The following SNAP23 variants were observed in gnomAD, a reference collection of about 807,000 sequenced individuals.
SNAP23 encodes the protein synaptosome associated protein 23.
Under a neutral mutation model 29.0 loss-of-function variants are expected in SNAP23, and 11 were observed. That is an observed-to-expected ratio of 0.38 (90% CI 0.24 to 0.63). The LOEUF is 0.63. Ranked by LOEUF, SNAP23 falls within the 20% of genes least tolerant of loss-of-function variation. The pLI, the probability that SNAP23 is intolerant of heterozygous loss-of-function variation, is 0.58. For missense variants in SNAP23, 220 were observed against 253.9 expected (o/e 0.87, Z 0.91); for synonymous variants, 60 against 82.9 (o/e 0.72, Z 1.50).
chr15:42,514,397 C>A (rs932939193), intron 4 of SNAP23, among the ~76,000 whole-genome samples: 8 of 152,106 alleles, frequency 5.3e-5, no homozygotes, highest in Non-Finnish European at 1.2e-4. Flanking sequence ...GATCCGCCCA[C>A]GTCGGCCTCC....
chr15:42,497,355 C>T (rs2057229529), intron 1 of SNAP23, among the ~76,000 whole-genome samples: 1 of 151,844 alleles, frequency 6.6e-6, no homozygotes. Flanking sequence ...ATTACAGGCA[C>T]CTGCCACCAG....
chr15:42,514,236 G>T (rs182893639), intron 4 of SNAP23, among the ~76,000 whole-genome samples: 1 of 151,442 alleles, frequency 6.6e-6, no homozygotes, highest in African/African-American at 2.4e-5. Context: ...TACCTCCCAC[G>T]TTCAAGTGAT....
intron 5 of SNAP23, 34 bp from the exon 6 acceptor site, chr15:42,528,228 T>C: frequency 6.3e-7 from 1 of 1,591,098 alleles, no homozygotes; most frequent in Non-Finnish European, 8.6e-7. Flanking sequence ...CTTCTTTTTT[T>C]TGGTATCTCC....
At chr15:42,508,484 T>C (rs2057332923) in intron 1 of SNAP23, among the ~76,000 whole-genome samples, 1 of 152,132 alleles carries the variant, frequency 6.6e-6, no homozygotes, top group African/African-American at 2.4e-5. Flanking sequence ...ATCCTGGCGT[T>C]AGCATGCCAA....
intron 7 of SNAP23, among the ~76,000 whole-genome samples, chr15:42,530,463 G>T (rs1367943379): frequency 2.0e-5 from 3 of 152,142 alleles, no homozygotes; most frequent in African/African-American, 7.2e-5. Context: ...TGTGTCACAT[G>T]TAAAGTCATA....
chr15:42,491,545 T>C (rs1181491381), upstream of SNAP23: 1 of 152,268 alleles, frequency 6.6e-6, no homozygotes, highest in Non-Finnish European at 1.5e-5. Context: ...GATCTTGGAC[T>C]AGCTACGAAT....
chr15:42,519,494 C>G (rs1208800529), intron 5 of SNAP23, among the ~76,000 whole-genome samples: 1 of 151,838 alleles, frequency 6.6e-6, no homozygotes, highest in African/African-American at 2.4e-5. Flanking sequence ...GCCTCAACCA[C>G]CCAAGTAGCT....
At chr15:42,509,911 A>G (rs141494925) in intron 1 of SNAP23, among the ~76,000 whole-genome samples, 83 of 152,102 alleles carry the variant, frequency 5.5e-4, no homozygotes, top group South Asian at 5.4e-3. Flanking sequence ...TCTACTAAAA[A>G]TACAGAAATT....
At chr15:42,509,137 CA>C (rs1208008637) in intron 1 of SNAP23, among the ~76,000 whole-genome samples, 5 of 151,714 alleles carry the variant, frequency 3.3e-5, no homozygotes, top group African/African-American at 1.2e-4. Flanking sequence ...TGAGAGGGTA[CA>C]AAAAATAATC....
At chr15:42,515,207 C>A in intron 4 of SNAP23, 30 bp from the exon 5 acceptor site, 1 of 1,408,108 alleles carries the variant, frequency 7.1e-7, no homozygotes, top group South Asian at 1.2e-5. Context: ...GAATGGAACA[C>A]AAAGTGTTAA....
chr15:42,504,166 C>CA lies in SNAP23; in HGVS notation c.-14-7656dup, dbSNP rs898253406. On this transcript the variant is annotated intron_variant, in intron 1 of 7. Coordinates refer to ENST00000249647, the MANE Select transcript of SNAP23 (RefSeq NM_003825.4). ...GCAACATAGTGAGACCCTGCCTCTA[C>CA]AAAAAAAAAAATAATAATATAATAA... Among the ~76,000 whole-genome samples the CA allele has an allele frequency of 8.4e-3, 1,159 of 137,850 alleles. 13 individuals carry two copies. Among genetic ancestry groups the CA allele is most frequent in the African/African-American group, 0.027 (1,009 of 37,670 alleles). The allele number at this position is 137,850 out of a possible 152,430, so 90.4% of individuals were successfully genotyped here.
At chr15:42,497,263 C>G (rs2057228308) in intron 1 of SNAP23, among the ~76,000 whole-genome samples, 1 of 143,104 alleles carries the variant, frequency 7.0e-6, no homozygotes, top group South Asian at 2.2e-4. Context: ...GGCTGGAGTG[C>G]AGTGGCGCGA....
intron 7 of SNAP23, among the ~76,000 whole-genome samples, chr15:42,530,647 G>A (rs568070397): frequency 6.6e-6 from 1 of 152,296 alleles, no homozygotes; most frequent in Non-Finnish European, 1.5e-5. Flanking sequence ...TTACTCGGGA[G>A]GCTGAGGCAG....
chr15:42,507,134 T>C (rs1339759470), intron 1 of SNAP23, among the ~76,000 whole-genome samples: 1 of 152,166 alleles, frequency 6.6e-6, no homozygotes, highest in Non-Finnish European at 1.5e-5. Context: ...AGACTCTTTA[T>C]CAGACCATGA....
intron 5 of SNAP23, among the ~76,000 whole-genome samples, chr15:42,522,676 T>G (rs2141544813): frequency 6.7e-6 from 1 of 149,370 alleles, no homozygotes; most frequent in East Asian, 1.9e-4. Flanking sequence ...ATTTTTGCTA[T>G]TTTTAATTCA....
chr15:42,499,942 G>C (rs904475207), intron 1 of SNAP23, among the ~76,000 whole-genome samples: 1 of 152,034 alleles, frequency 6.6e-6, no homozygotes, highest in Non-Finnish European at 1.5e-5. Flanking sequence ...CCAGGAGTTT[G>C]AGACCAGCCT....
intron 5 of SNAP23, among the ~76,000 whole-genome samples, chr15:42,519,633 G>A (rs191277072): frequency 6.6e-5 from 10 of 152,148 alleles, no homozygotes; most frequent in African/African-American, 1.4e-4. Context: ...GCCTCCCAAC[G>A]TGCTGGGGTT....
intron 1 of SNAP23, among the ~76,000 whole-genome samples, chr15:42,504,332 C>T (rs1595516905): frequency 6.6e-6 from 1 of 152,160 alleles, no homozygotes; most frequent in South Asian, 2.1e-4. Context: ...CAGAGCGAGA[C>T]TCCGTCTCAA....
chr15:42,493,565 T>C (rs2057191724), upstream of SNAP23, among the ~76,000 whole-genome samples: 1 of 152,054 alleles, frequency 6.6e-6, no homozygotes, highest in Non-Finnish European at 1.5e-5. Context: ...AATGAACTAA[T>C]GAACTCAACC....
Sources: gnomAD v4.1 joint callset for allele counts (sites outside exome capture counted in the v4.1 genomes callset) on GRCh38, gnomAD v4.1.1 for gene constraint, MANE v1.5 for transcripts, NCBI Gene and HGNC (gene_info 2026-07-23, HGNC 2026-07-21) for gene names.